Variants in FABP7 observed in about 807,000 individuals in gnomAD.
FABP7 encodes fatty acid-binding protein, brain.
A neutral mutation model predicts 14.2 loss-of-function variants in FABP7; 13 were observed. That is an observed-to-expected ratio of 0.91 (90% CI 0.59 to 1.45). The LOEUF is 1.45. Among genes scored for constraint, FABP7 ranks in the 40% most tolerant of loss-of-function variants. FABP7 has a pLI of 0.00. For missense variants in FABP7, 149 were observed against 157.6 expected, an observed-to-expected ratio of 0.95 and a Z score of 0.29; for synonymous variants, 49 against 51.4, an observed-to-expected ratio of 0.95 and a Z score of 0.20.
the FABP7 span, among the ~76,000 whole-genome samples, chr6:122,753,374 C>A: frequency 6.6e-6 from 1 of 152,182 alleles, no homozygotes; most frequent in Non-Finnish European, 1.5e-5. Context: ...ACATAGACTT[C>A]TGTGCATCTA....
chr6:122,772,976 C>A, the FABP7 span, among the ~76,000 whole-genome samples: 62 of 152,198 alleles, frequency 4.1e-4, no homozygotes, highest in African/African-American at 1.4e-3. Flanking sequence ...AATGTCTGTA[C>A]CATTGCTTCA....
chr6:122,782,902 G>T (rs1021757404), intron 3 of FABP7: 3 of 985,136 alleles, frequency 3.0e-6, no homozygotes, highest in Admixed American at 6.2e-5. Context: ...TAAAAGATTC[G>T]CTCTGAAGTT....
intron 3 of FABP7, chr6:122,782,153 A>G (rs1423780954): frequency 1.0e-6 from 1 of 984,240 alleles, no homozygotes; most frequent in African/African-American, 1.7e-5. Flanking sequence ...GACATGAAAA[A>G]TATTTTTTTC....
rs1484809179 is a variant in FABP7 at position 122,780,278 on chromosome 6, T to G, written c.74-13T>G. 3.7e-6 allele frequency: 6 copies of G among 1,613,826 alleles called. No individual in the cohort carries two copies. The highest frequency in any genetic ancestry group is 5.1e-6 in the Non-Finnish European group (6 of 1,179,970). On this transcript the variant is annotated splice_polypyrimidine_tract_variant and intron_variant, in intron 1 of 3. Transcript: ENST00000368444. ...AGTCGCTGCAGACTGTACTGTTCCC[T>G]TTGCTATTTTAGGCGTGGGCTTTGC...
rs1780754466 is a variant in FABP7 at position 122,780,379 on chromosome 6, T to C, written c.162T>C (p.Thr54=). The part of the protein sequence containing the change: ...SQEGDKVVIR[T]LSTFKNTEIS... ...AAGGAGACAAAGTGGTCATCAGGACTCTCAGCACATTCAAGAACACGGAGA... is the reference window on the plus strand; with the variant it reads ...AAGGAGACAAAGTGGTCATCAGGACCCTCAGCACATTCAAGAACACGGAGA... The change falls in exon 2 of 4, where the codon ACT becomes ACC. Residue 54 remains threonine, a synonymous_variant. Transcript: ENST00000368444. The C allele has an allele frequency of 6.2e-7, 1 of 1,614,136 alleles. No individual in the cohort carries two copies. Among genetic ancestry groups the C allele is most frequent in the African/African-American group, 1.3e-5 (1 of 75,070 alleles).
At chr6:122,753,440 A>T in the FABP7 span, among the ~76,000 whole-genome samples, 1 of 152,090 alleles carries the variant, frequency 6.6e-6, no homozygotes, top group African/African-American at 2.4e-5. Flanking sequence ...ATCACTGTCT[A>T]CTGGTTTATC....
In FABP7 at chr6:122,783,843, A is replaced by G; in HGVS notation, c.*76A>G. On this transcript the variant is annotated 3_prime_UTR_variant, in exon 4 of 4. Coordinates refer to ENST00000368444, the MANE Select transcript of FABP7 (RefSeq NM_001446.5). ...CAAGTCTCAGTGCTATCCTATTACA[A>G]CATGGCTGATCATTAATTAGAAGGT... is the stretch of plus-strand genomic sequence containing the variant. The G allele has an allele frequency of 6.1e-6, 7 of 1,155,534 alleles. No individual in the cohort carries two copies. The highest frequency in any genetic ancestry group is 8.8e-6 in the Non-Finnish European group (7 of 796,008). 71.6% of individuals were successfully genotyped at this position (1,155,534 alleles called of 1,614,324 possible).
chr6:122,782,921 T>C (rs540969201), intron 3 of FABP7: 5 of 985,418 alleles, frequency 5.1e-6, no homozygotes, highest in South Asian at 9.4e-5. Context: ...TTCTCCTTTA[T>C]GCTTTTACCT....
At chr6:122,764,124 A>G in the FABP7 span, among the ~76,000 whole-genome samples, 1 of 152,198 alleles carries the variant, frequency 6.6e-6, no homozygotes, top group South Asian at 2.1e-4. Context: ...AATAGCGAAG[A>G]CTTGGAACTA....
intron 3 of FABP7, chr6:122,783,354 A>C: frequency 1.0e-6 from 1 of 984,982 alleles, no homozygotes; most frequent in Non-Finnish European, 1.2e-6. Flanking sequence ...AAGAATTGAA[A>C]ACTGTTATGT....
upstream of FABP7, among the ~76,000 whole-genome samples, chr6:122,775,489 C>T (rs543147087): frequency 3.3e-5 from 5 of 152,074 alleles, no homozygotes; most frequent in African/African-American, 4.8e-5. Flanking sequence ...ACCCCTATCT[C>T]TCACTGTGTG....
At chr6:122,763,416 G>A in the FABP7 span, among the ~76,000 whole-genome samples, 108 of 152,244 alleles carry the variant, frequency 7.1e-4, 1 homozygote, top group African/African-American at 2.4e-3. Context: ...TTAAATGTTA[G>A]ACCTAAAACC....
the FABP7 span, among the ~76,000 whole-genome samples, chr6:122,771,069 T>C: frequency 6.6e-6 from 1 of 152,240 alleles, no homozygotes; most frequent in Admixed American, 6.5e-5. Flanking sequence ...GGTGTGGTTT[T>C]GGAATCAGTA....
At chr6:122,763,454 A>C in the FABP7 span, among the ~76,000 whole-genome samples, 1 of 152,228 alleles carries the variant, frequency 6.6e-6, no homozygotes, top group Non-Finnish European at 1.5e-5. Context: ...AAACCTAGGC[A>C]ACACCATTCA....
intron 2 of FABP7, among the ~76,000 whole-genome samples, 164 bp from the exon 3 acceptor site, chr6:122,780,929 A>G (rs1489358808): frequency 1.3e-5 from 2 of 152,180 alleles, no homozygotes; most frequent in Admixed American, 6.5e-5. Flanking sequence ...TATGAATTCA[A>G]ATTTACATAA....
the FABP7 span, among the ~76,000 whole-genome samples, chr6:122,765,318 C>A: frequency 6.6e-6 from 1 of 151,968 alleles, no homozygotes; most frequent in Admixed American, 6.6e-5. Flanking sequence ...AAGTTTAGGT[C>A]CTTTTTTCAT....
At chr6:122,761,890 A>T in the FABP7 span, among the ~76,000 whole-genome samples, 1 of 152,214 alleles carries the variant, frequency 6.6e-6, no homozygotes. Flanking sequence ...AAATTGAGGC[A>T]ACAATTAATA....
chr6:122,754,397 G>A, the FABP7 span, among the ~76,000 whole-genome samples: 1 of 152,102 alleles, frequency 6.6e-6, no homozygotes, highest in Admixed American at 6.6e-5. Context: ...CTATTTCAAT[G>A]GAAGAAATGT....
the FABP7 span, among the ~76,000 whole-genome samples, chr6:122,757,518 G>A: frequency 1.3e-5 from 2 of 152,076 alleles, no homozygotes; most frequent in African/African-American, 2.4e-5. Context: ...GAGGAGGAGG[G>A]AGTCCTTGAA....
Sources: allele counts gnomAD v4.1 joint callset (sites outside exome capture counted in the v4.1 genomes callset), GRCh38; gene constraint gnomAD v4.1.1; transcripts MANE v1.5; gene names NCBI Gene and HGNC (gene_info 2026-07-23, HGNC 2026-07-21).